The following FHIT variants were observed in gnomAD, a reference collection of about 807,000 sequenced individuals.
FHIT encodes fragile histidine triad diadenosine triphosphatase.
In FHIT, 19 loss-of-function variants were observed where a neutral mutation model predicts 17.9. The ratio of observed to expected loss-of-function variants is 1.06; its 90% CI spans 0.74 to 1.56. The LOEUF is 1.56. FHIT is among the 40% of genes most tolerant of loss of function. The pLI is 0.00. For missense variants in FHIT, 248 were observed against 189.2 expected (o/e 1.31, Z -1.82); for synonymous variants, 81 against 69.7 (o/e 1.16, Z -0.81).
intron 4 of FHIT, among the ~76,000 whole-genome samples, chr3:60,540,500 G>A (rs540460962): frequency 2.6e-5 from 4 of 152,250 alleles, no homozygotes; most frequent in East Asian, 1.9e-4. Flanking sequence ...CTCCAGGTAC[G>A]TAACATCCAA....
Position 60,621,023 on chromosome 3 carries a change from A to T in FHIT, c.-17-84044T>A, listed in dbSNP as rs375929752. On this transcript the variant is annotated intron_variant, in intron 4 of 9. Transcript: ENST00000492590. ...TAAATAGCCTTATAAAAAATGTCAA[A>T]CCACTCAGAAGTATCCAGACTAAAA... Among the ~76,000 whole-genome samples the T allele has an allele frequency of 4.6e-5, 7 of 152,192 alleles. No individual in the cohort carries two copies. The East Asian group carries it at 7.7e-4, about 17-fold the overall frequency.
intron 1 of FHIT, among the ~76,000 whole-genome samples, chr3:61,209,827 C>A (rs2039395769): frequency 6.6e-6 from 1 of 152,232 alleles, no homozygotes; most frequent in Non-Finnish European, 1.5e-5. Context: ...AAGTCATTCT[C>A]CATCCAGCTT....
rs186497627 is a variant in FHIT at position 59,942,337 on chromosome 3, C to G, written c.280-19923G>C. Among the ~76,000 whole-genome samples, 13 of 152,292 alleles carry G rather than the reference C, an allele frequency of 8.5e-5. 2 individuals carry two copies. The highest frequency in any genetic ancestry group is 3.1e-4 in the African/African-American group (13 of 41,578). ...TGCCTTTGCCATACACTACCTTCCTCCTCCCCACACTCCTGTAGTCAGATG... is the reference window on the plus strand; with the variant it reads ...TGCCTTTGCCATACACTACCTTCCTGCTCCCCACACTCCTGTAGTCAGATG... On this transcript the variant is annotated intron_variant, in intron 7 of 9. Coordinates refer to ENST00000492590, the MANE Select transcript of FHIT (RefSeq NM_002012.4).
intron 5 of FHIT, among the ~76,000 whole-genome samples, chr3:60,301,155 A>C (rs1708445521): frequency 6.6e-6 from 1 of 152,126 alleles, no homozygotes; most frequent in Non-Finnish European, 1.5e-5. Context: ...TTTTGACCTG[A>C]AAGTATGATT....
At chr3:61,208,462 G>A (rs931348480) in intron 1 of FHIT, among the ~76,000 whole-genome samples, 2 of 152,000 alleles carry the variant, frequency 1.3e-5, no homozygotes, top group African/African-American at 4.8e-5. Context: ...TCTCTTTGTA[G>A]GTCACTCAGG....
rs551054295 is a variant in FHIT, at chr3:59,983,232, C to T, written c.279+28139G>A. Reference sequence around the variant, plus strand: ...AGGATTAGAGGTATGTGCCACCACTCCCAGCAGGTCAGGACTCTTTTGGAA... The same window carrying T: ...AGGATTAGAGGTATGTGCCACCACTTCCAGCAGGTCAGGACTCTTTTGGAA... On this transcript the variant is annotated intron_variant, in intron 7 of 9. Transcript: ENST00000492590. Among the ~76,000 whole-genome samples, 71 of 152,222 alleles carry T rather than the reference C, an allele frequency of 4.7e-4. 1 individual carries two copies. The Middle Eastern group carries it at 0.01, about 22-fold the overall frequency.
chr3:60,990,641 C>G (rs1015916658), intron 3 of FHIT, among the ~76,000 whole-genome samples: 3 of 152,174 alleles, frequency 2.0e-5, no homozygotes, highest in Admixed American at 6.5e-5. Context: ...GAACCACTTT[C>G]CAGGATCATA....
rs1273833490 is a variant in FHIT at position 60,289,681 on chromosome 3, G to A, written c.103+247179C>T. ...GCTAAAACCTGAAGCTGACTTGAAA[G>A]TCTTTCTATTCTAATTATGTAGAAA... On this transcript the variant is annotated intron_variant, in intron 5 of 9. Coordinates refer to ENST00000492590, the MANE Select transcript of FHIT (RefSeq NM_002012.4). Among the ~76,000 whole-genome samples the A allele has an allele frequency of 2.0e-5, 3 of 152,118 alleles. No individual in the cohort carries two copies. The East Asian group carries it at 5.8e-4, about 29-fold the overall frequency.
intron 4 of FHIT, among the ~76,000 whole-genome samples, chr3:60,619,521 A>G (rs1231602624): frequency 1.3e-5 from 2 of 151,828 alleles, no homozygotes; most frequent in African/African-American, 4.8e-5. Flanking sequence ...AAAAGCCACC[A>G]AATACATCAG....
In FHIT at chr3:60,786,407, G is replaced by T. The variant is rs549140999; in HGVS notation, c.-18+35512C>A. The stretch of plus-strand genomic sequence containing the variant: ...TGAAAGTTATTAAGTCACTCATAAG[G>T]ATTTCAGGAAGCACTGCAGTGTAAT... On this transcript the variant is annotated intron_variant, in intron 4 of 9. Coordinates refer to ENST00000492590, the MANE Select transcript of FHIT (RefSeq NM_002012.4). Among the ~76,000 whole-genome samples, 8 of 152,290 alleles carry T rather than the reference G, an allele frequency of 5.3e-5. 1 individual carries two copies. The highest frequency in any genetic ancestry group is 2.6e-4 in the Admixed American group (4 of 15,296).
chr3:61,099,067 G>A (rs2035736337), intron 2 of FHIT, among the ~76,000 whole-genome samples: 1 of 152,154 alleles, frequency 6.6e-6, no homozygotes, highest in African/African-American at 2.4e-5. Context: ...GCCATAGGTG[G>A]CTCTTATTAT....
chr3:60,249,542 T>TG (rs1253142775), intron 5 of FHIT, among the ~76,000 whole-genome samples: 1 of 151,756 alleles, frequency 6.6e-6, no homozygotes, highest in East Asian at 1.9e-4. Flanking sequence ...GAAGGATTTT[T>TG]TTTTCAACAG....
chr3:60,139,619 C>A (rs1047518089), intron 5 of FHIT, among the ~76,000 whole-genome samples: 1 of 152,076 alleles, frequency 6.6e-6, no homozygotes, highest in Non-Finnish European at 1.5e-5. Context: ...TACTGTTCCC[C>A]CTGACTATGA....
At chr3:60,844,863 CTTA>C (rs1702869305) in intron 3 of FHIT, among the ~76,000 whole-genome samples, 1 of 152,024 alleles carries the variant, frequency 6.6e-6, no homozygotes, top group Non-Finnish European at 1.5e-5. Context: ...ACATAGCTGC[CTTA>C]TTATTCTTGG....
At chr3:60,999,187 T>C (rs1408125452) in intron 3 of FHIT, among the ~76,000 whole-genome samples, 3 of 152,178 alleles carry the variant, frequency 2.0e-5, no homozygotes, top group African/African-American at 7.2e-5. Context: ...GAGAATACAA[T>C]GCTAGGGATA....
chr3:59,905,650 A>C (rs1243995867), intron 8 of FHIT, among the ~76,000 whole-genome samples: 1 of 152,176 alleles, frequency 6.6e-6, no homozygotes, highest in Non-Finnish European at 1.5e-5. Flanking sequence ...TGAGACTTAA[A>C]AATTTTTTAA....
intron 2 of FHIT, among the ~76,000 whole-genome samples, chr3:61,118,515 C>G (rs2036366524): frequency 6.6e-6 from 1 of 152,182 alleles, no homozygotes. Context: ...TTCTGGCATA[C>G]AAACTGGTTT....
chr3:60,736,181 C>T (rs560123463), intron 4 of FHIT, among the ~76,000 whole-genome samples: 1 of 152,272 alleles, frequency 6.6e-6, no homozygotes, highest in Admixed American at 6.5e-5. Context: ...TTTGAAGTCT[C>T]ATATTGGCAA....
chr3:60,566,645 G>C lies in FHIT; in HGVS notation c.-17-29666C>G, dbSNP rs546578152. Among the ~76,000 whole-genome samples the C allele has an allele frequency of 3.9e-5, 6 of 152,178 alleles. No individual in the cohort carries two copies. In the East Asian group the frequency reaches 1.2e-3, roughly 29 times the overall value. On this transcript the variant is annotated intron_variant, in intron 4 of 9. Coordinates refer to ENST00000492590, the MANE Select transcript of FHIT (RefSeq NM_002012.4). Reference sequence around the variant, plus strand: ...AGGAGAAGGAAATAAAGGGCATTCAGTTAAGAAAAGAGGAAGTCAAATTGT... The same window carrying C: ...AGGAGAAGGAAATAAAGGGCATTCACTTAAGAAAAGAGGAAGTCAAATTGT...
Sources: allele counts gnomAD v4.1 joint callset (sites outside exome capture counted in the v4.1 genomes callset), GRCh38; gene constraint gnomAD v4.1.1; transcripts MANE v1.5; gene names NCBI Gene and HGNC (gene_info 2026-07-23, HGNC 2026-07-21).